The following SPAG16 variants were observed in gnomAD, a reference collection of about 807,000 sequenced individuals.
SPAG16 encodes the protein sperm-associated antigen 16 protein.
In SPAG16, 86 loss-of-function variants were observed where a neutral mutation model predicts 80.4. That is an observed-to-expected ratio of 1.07 (90% CI 0.90 to 1.28). The LOEUF is 1.28. Among genes scored for constraint, SPAG16 ranks in the 50% most tolerant of loss-of-function variants. SPAG16 has a pLI of 0.00. For synonymous variants in SPAG16, 294 were observed against 265.9 expected (o/e 1.11, Z -1.03); for missense variants, 870 against 765.3 (o/e 1.14, Z -1.61).
At chr2:213,511,023 A>C (rs986462464) in intron 10 of SPAG16, among the ~76,000 whole-genome samples, 3 of 152,150 alleles carry the variant, frequency 2.0e-5, no homozygotes, top group Non-Finnish European at 4.4e-5. Context: ...GCCCTTTGGA[A>C]AAGTTATTTT....
At chr2:214,352,938 T>C (rs1698520964) in intron 15 of SPAG16, among the ~76,000 whole-genome samples, 1 of 152,146 alleles carries the variant, frequency 6.6e-6, no homozygotes, top group Non-Finnish European at 1.5e-5. Context: ...CCCATGTTAA[T>C]AGCTCTCTGC....
chr2:213,302,164 C>T (rs2062764301), intron 3 of SPAG16, among the ~76,000 whole-genome samples: 1 of 152,102 alleles, frequency 6.6e-6, no homozygotes, highest in South Asian at 2.1e-4. Context: ...TCACATGTGG[C>T]TAGAGTAATT....
intron 10 of SPAG16, among the ~76,000 whole-genome samples, chr2:213,553,614 C>A (rs888573293): frequency 4.6e-5 from 7 of 152,202 alleles, no homozygotes; most frequent in Non-Finnish European, 5.9e-5. Context: ...TCTCTTCCAA[C>A]CCTGAGTATA....
chr2:213,289,054 G>A (rs988466855), intron 1 of SPAG16, among the ~76,000 whole-genome samples: 1 of 152,214 alleles, frequency 6.6e-6, no homozygotes, highest in Non-Finnish European at 1.5e-5. Context: ...TTAGTCAGGC[G>A]TTAATGTGCA....
intron 10 of SPAG16, among the ~76,000 whole-genome samples, chr2:213,531,865 C>A (rs1158338934): frequency 6.6e-5 from 10 of 152,042 alleles, no homozygotes; most frequent in Admixed American, 6.6e-4. Context: ...ACAGTGAATC[C>A]ATTTGGAATC....
intron 14 of SPAG16, among the ~76,000 whole-genome samples, 189 bp downstream of exon 14, chr2:214,108,450 CACACACACACACACACACACACACACACA>C (rs2053494847): frequency 1.6e-5 from 1 of 63,358 alleles, no homozygotes; most frequent in African/African-American, 5.2e-5. Flanking sequence ...CACACACACA[CACACACACACACACACACACACACACACA>C]CCCCCACACA....
intron 15 of SPAG16, among the ~76,000 whole-genome samples, chr2:214,189,493 CTTCTT>C (rs2125692636): frequency 6.6e-6 from 1 of 152,162 alleles, no homozygotes; most frequent in South Asian, 2.1e-4. Flanking sequence ...GGTAAACAGT[CTTCTT>C]TTCTCTGGAC....
chr2:214,173,417 G>T (rs1440837957), intron 15 of SPAG16, among the ~76,000 whole-genome samples: 2 of 151,966 alleles, frequency 1.3e-5, no homozygotes, highest in Non-Finnish European at 2.9e-5. Context: ...TAGATATGCG[G>T]CGTTATTTCT....
rs185948418 is a variant in SPAG16, at chr2:214,258,690, C to T, written c.1720+109424C>T. On this transcript the variant is annotated intron_variant, in intron 15 of 15. Transcript: ENST00000331683. Reference sequence around the variant, plus strand: ...ATACCTTAATATTGTACCACAGGCTCCTGAGACACTGTTTATTATGTTTCA... The same window carrying T: ...ATACCTTAATATTGTACCACAGGCTTCTGAGACACTGTTTATTATGTTTCA... 1.9e-3 allele frequency among the ~76,000 whole-genome samples: 296 copies of T among 151,872 alleles called. 1 individual carries two copies. Among genetic ancestry groups the T allele is most frequent in the Middle Eastern group, 3.4e-3 (1 of 294 alleles).
intron 10 of SPAG16, among the ~76,000 whole-genome samples, chr2:213,502,878 A>G (rs996512626): frequency 6.6e-6 from 1 of 152,334 alleles, no homozygotes. Flanking sequence ...TTATGACAAC[A>G]TAGTTGGCAC....
At chr2:213,634,426 T>C (rs1236536034) in intron 10 of SPAG16, among the ~76,000 whole-genome samples, 1 of 152,158 alleles carries the variant, frequency 6.6e-6, no homozygotes, top group African/African-American at 2.4e-5. Context: ...CATTGTTTAA[T>C]CTTTCTACTT....
chr2:213,562,061 T>A (rs1249936480), intron 10 of SPAG16, among the ~76,000 whole-genome samples: 1 of 152,242 alleles, frequency 6.6e-6, no homozygotes, highest in African/African-American at 2.4e-5. Flanking sequence ...CTTACATGTC[T>A]GAAGTGTCTT....
chr2:213,985,684 C>T (rs879302192), intron 12 of SPAG16, among the ~76,000 whole-genome samples: 19 of 151,812 alleles, frequency 1.3e-4, no homozygotes, highest in African/African-American at 2.2e-4. Flanking sequence ...CAAACTGGGA[C>T]GATAATCAGC....
intron 15 of SPAG16, among the ~76,000 whole-genome samples, chr2:214,383,742 A>G (rs1282995048): frequency 6.6e-6 from 1 of 152,156 alleles, no homozygotes; most frequent in South Asian, 2.1e-4. Flanking sequence ...TGAAAAGTAT[A>G]TGGGAGAGAG....
intron 11 of SPAG16, among the ~76,000 whole-genome samples, chr2:213,920,619 A>G (rs952731244): frequency 6.6e-6 from 1 of 152,162 alleles, no homozygotes; most frequent in African/African-American, 2.4e-5. Context: ...GGGCTCCCAG[A>G]GCACCTGCTT....
At chr2:213,436,554 G>A (rs2125508882) in intron 9 of SPAG16, among the ~76,000 whole-genome samples, 1 of 152,076 alleles carries the variant, frequency 6.6e-6, no homozygotes, top group East Asian at 1.9e-4. Context: ...CAGTCAAGTA[G>A]CTCATGAGTT....
Position 214,247,009 on chromosome 2 carries a change from A to C in SPAG16, c.1720+97743A>C, listed in dbSNP as rs531540374. ...CATATCATGAACTCATTAAAAATAAAATGTTTTTTAGTTTTAATTACACCA... is the reference window on the plus strand; with the variant it reads ...CATATCATGAACTCATTAAAAATAACATGTTTTTTAGTTTTAATTACACCA... On this transcript the variant is annotated intron_variant, in intron 15 of 15. Coordinates refer to ENST00000331683, the MANE Select transcript of SPAG16 (RefSeq NM_024532.5). Among the ~76,000 whole-genome samples, 17 of 152,298 alleles carry C rather than the reference A, an allele frequency of 1.1e-4. No homozygotes were observed. In the South Asian group the frequency reaches 3.5e-3, roughly 32 times the overall value.
At chr2:214,311,447 A>G (rs533495888) in intron 15 of SPAG16, among the ~76,000 whole-genome samples, 1 of 152,238 alleles carries the variant, frequency 6.6e-6, no homozygotes, top group Non-Finnish European at 1.5e-5. Flanking sequence ...GAAGTTCCCA[A>G]ATTGCCACCA....
chr2:213,620,281 G>GT (rs36059669), intron 10 of SPAG16, among the ~76,000 whole-genome samples: 2,099 of 82,822 alleles, frequency 0.025, 385 homozygotes, highest in Non-Finnish European at 0.036. Context: ...AATTTATTGA[G>GT]TTTTTTTTTT....
Sources: allele counts gnomAD v4.1 joint callset (sites outside exome capture counted in the v4.1 genomes callset), GRCh38; gene constraint gnomAD v4.1.1; transcripts MANE v1.5; gene names NCBI Gene and HGNC (gene_info 2026-07-23, HGNC 2026-07-21).